The following VCF1 variants were observed in gnomAD, a reference collection of about 807,000 sequenced individuals.
VCF1 encodes the protein protein VCF1.
the VCF1 span, among the ~76,000 whole-genome samples, chr17:73,220,450 T>C: frequency 2.6e-5 from 4 of 152,276 alleles, no homozygotes; most frequent in East Asian, 7.7e-4. Context: ...TTCTTTTTTT[T>C]GTTTTTTATT....
the VCF1 span, among the ~76,000 whole-genome samples, chr17:73,224,263 C>CAAAAAA: frequency 1.5e-4 from 16 of 103,828 alleles, 1 homozygote; most frequent in South Asian, 7.0e-4. Flanking sequence ...GTCGTCTCTC[C>CAAAAAA]AAAAAAAAAA....
chr17:73,222,046 A>AC, the VCF1 span, among the ~76,000 whole-genome samples: 1 of 150,368 alleles, frequency 6.7e-6, no homozygotes, highest in East Asian at 2.0e-4. Flanking sequence ...AAAAAAAAAA[A>AC]AAAAAAAAAA....
the VCF1 span, among the ~76,000 whole-genome samples, chr17:73,227,912 CTATT>C: frequency 6.6e-6 from 1 of 152,188 alleles, no homozygotes; most frequent in African/African-American, 2.4e-5. Flanking sequence ...TGCATGTACT[CTATT>C]TAAGAATTAT....
the VCF1 span, among the ~76,000 whole-genome samples, chr17:73,218,880 C>T: frequency 6.6e-6 from 1 of 151,966 alleles, no homozygotes; most frequent in Non-Finnish European, 1.5e-5. Flanking sequence ...ATTAGCCAGG[C>T]GTGGTGGCGT....
chr17:73,231,062 A>T, the VCF1 span, among the ~76,000 whole-genome samples: 1 of 152,140 alleles, frequency 6.6e-6, no homozygotes, highest in Non-Finnish European at 1.5e-5. Flanking sequence ...CCCAATTTCA[A>T]ATTTAGTCCA....
At chr17:73,207,450 C>A in the VCF1 span, 3 of 701,404 alleles carry the variant, frequency 4.3e-6, no homozygotes, top group Non-Finnish European at 5.1e-6. Context: ...AAAAGATGCC[C>A]GCTGACACTA....
the VCF1 span, among the ~76,000 whole-genome samples, chr17:73,215,959 G>A: frequency 6.6e-6 from 1 of 152,112 alleles, no homozygotes; most frequent in Non-Finnish European, 1.5e-5. Flanking sequence ...AGCAAGGTGT[G>A]GTGTGGGTGG....
At chr17:73,231,506 C>T in the VCF1 span, among the ~76,000 whole-genome samples, 540 of 152,314 alleles carry the variant, frequency 3.5e-3, 1 homozygote, top group Non-Finnish European at 4.2e-3. Context: ...GCAATCCAAA[C>T]AGTTTAGAAT....
chr17:73,207,839 A>C, the VCF1 span: 26 of 1,268,568 alleles, frequency 2.0e-5, no homozygotes, highest in Non-Finnish European at 2.2e-5. Flanking sequence ...ACACAATATT[A>C]GCAGTGTATC....
the VCF1 span, chr17:73,208,183 G>C: frequency 6.4e-7 from 1 of 1,561,332 alleles, no homozygotes; most frequent in East Asian, 2.3e-5. Flanking sequence ...AAAGTCCTCT[G>C]ACTAGAGCCA....
At chr17:73,209,508 A>G in the VCF1 span, 14 of 1,568,944 alleles carry the variant, frequency 8.9e-6, no homozygotes, top group Non-Finnish European at 1.2e-5. Flanking sequence ...CCTTCACAGA[A>G]GGCAAGAAAC....
the VCF1 span, among the ~76,000 whole-genome samples, chr17:73,226,799 G>T: frequency 6.6e-6 from 1 of 152,146 alleles, no homozygotes; most frequent in Non-Finnish European, 1.5e-5. Context: ...AAAGGCATTT[G>T]AATTGAAGCA....
chr17:73,219,864 ACT>A, the VCF1 span, among the ~76,000 whole-genome samples: 20 of 151,740 alleles, frequency 1.3e-4, no homozygotes, highest in South Asian at 6.3e-4. Flanking sequence ...AGTCCCAGTT[ACT>A]CAGGAGGCTG....
chr17:73,225,867 AAT>A, the VCF1 span, among the ~76,000 whole-genome samples: 10,473 of 109,422 alleles, frequency 0.096, 448 homozygotes, highest in East Asian at 0.13. Context: ...ATAGGAAAAA[AAT>A]ATATATATAT....
At chr17:73,219,808 AC>A in the VCF1 span, among the ~76,000 whole-genome samples, 1 of 151,928 alleles carries the variant, frequency 6.6e-6, no homozygotes, top group Non-Finnish European at 1.5e-5. Flanking sequence ...ACCTGTCTCT[AC>A]AAAAAGAATA....
chr17:73,218,634 G>A, the VCF1 span, among the ~76,000 whole-genome samples: 9 of 151,722 alleles, frequency 5.9e-5, no homozygotes, highest in East Asian at 9.7e-4. Context: ...CCTGTAATCC[G>A]AGCACTTTGG....
At chr17:73,220,877 C>CT in the VCF1 span, among the ~76,000 whole-genome samples, 19 of 135,086 alleles carry the variant, frequency 1.4e-4, no homozygotes, top group African/African-American at 4.8e-4. Context: ...AAAGGTATTG[C>CT]TTTTTTTTTA....
the VCF1 span, among the ~76,000 whole-genome samples, chr17:73,223,060 G>A: frequency 1.3e-5 from 2 of 151,756 alleles, no homozygotes; most frequent in Admixed American, 6.6e-5. Context: ...GCTCACGCCT[G>A]GAATCCCAGC....
At chr17:73,210,628 ACT>A in the VCF1 span, among the ~76,000 whole-genome samples, 5 of 152,080 alleles carry the variant, frequency 3.3e-5, no homozygotes, top group Non-Finnish European at 2.9e-5. Context: ...ACAAGGTCTC[ACT>A]CTGTTACGCA....
Sources: gnomAD v4.1 joint callset for allele counts (sites outside exome capture counted in the v4.1 genomes callset) on GRCh38, gnomAD v4.1.1 for gene constraint, MANE v1.5 for transcripts, NCBI Gene and HGNC (gene_info 2026-07-23, HGNC 2026-07-21) for gene names.